The following MAF variants were observed in gnomAD, a reference collection of about 807,000 sequenced individuals.
MAF encodes the protein transcription factor Maf.
MAF carries 10 observed loss-of-function variants against 22.0 expected under a neutral mutation model. That is an observed-to-expected ratio of 0.45 (90% CI 0.28 to 0.77). The LOEUF is 0.77. Among genes scored for constraint, MAF ranks in the 30% least tolerant of loss-of-function variants. The probability of loss-of-function intolerance (pLI) is 0.12; values close to 1 mark genes in which losing one functional copy is unlikely to be tolerated. For missense variants in MAF, 544 were observed against 548.4 expected, an observed-to-expected ratio of 0.99 and a Z score of 0.08; for synonymous variants, 337 against 255.8, an observed-to-expected ratio of 1.32 and a Z score of -3.03.
chr16:79,276,096 G>T, the MAF span, among the ~76,000 whole-genome samples: 5 of 151,862 alleles, frequency 3.3e-5, no homozygotes, highest in African/African-American at 1.2e-4. Context: ...AGCCGAGATC[G>T]TGCCACTTCA....
At chr16:79,463,816 T>C in the MAF span, among the ~76,000 whole-genome samples, 4 of 152,104 alleles carry the variant, frequency 2.6e-5, no homozygotes, top group Admixed American at 1.3e-4. Context: ...TAGATCCCCC[T>C]GTGAACTGTG....
chr16:79,503,259 T>C, the MAF span, among the ~76,000 whole-genome samples: 25 of 152,332 alleles, frequency 1.6e-4, no homozygotes, highest in African/African-American at 4.8e-4. Context: ...CACGTTTTTA[T>C]TGAGTGTCTA....
chr16:79,599,500 C>T lies in MAF; in HGVS notation c.403G>A (p.Ala135Thr), dbSNP rs1567567893. Reference protein sequence around the residue: ...QGGFDGYARGAQQLAAAAGAG... With the variant: ...QGGFDGYARGTQQLAAAAGAG... The stretch of plus-strand genomic sequence containing the variant: ...CCGGCCGCCGCGGCCAGCTGCTGCG[C>T]CCCGCGCGCGTAGCCATCGAAGCCG... Residue 135 changes from alanine (A) to threonine (T), a missense_variant, in exon 1 of 2, where the codon GCG (alanine) becomes ACG (threonine). Physicochemically the swap from Ala to Thr is moderately conservative, Grantham distance 58. Coordinates refer to ENST00000326043, the MANE Select transcript of MAF (RefSeq NM_005360.5). 1.1e-5 allele frequency: 16 copies of T among 1,506,822 alleles called. No individual in the cohort carries two copies. The highest frequency in any genetic ancestry group is 1.3e-5 in the Non-Finnish European group (15 of 1,131,164). 93.3% of individuals were successfully genotyped at this position (1,506,822 alleles called of 1,614,324 possible). A position where few individuals can be genotyped will look rare whatever the true frequency, so the allele number is the denominator to read the frequency against.
chr16:79,573,756 A>G, the MAF span, among the ~76,000 whole-genome samples: 2 of 152,334 alleles, frequency 1.3e-5, no homozygotes, highest in Non-Finnish European at 2.9e-5. Context: ...AAGTAATAGC[A>G]CTAGTGCAGA....
the MAF span, among the ~76,000 whole-genome samples, chr16:79,486,412 T>A: frequency 2.6e-5 from 4 of 152,212 alleles, no homozygotes; most frequent in Non-Finnish European, 4.4e-5. Flanking sequence ...CTTAGGACAA[T>A]CTGAGAAAAT....
At chr16:79,268,629 T>C in the MAF span, among the ~76,000 whole-genome samples, 1 of 152,208 alleles carries the variant, frequency 6.6e-6, no homozygotes, top group Non-Finnish European at 1.5e-5. Flanking sequence ...ATGGCATTTC[T>C]CAGCTAAATG....
the MAF span, among the ~76,000 whole-genome samples, chr16:79,295,556 A>G: frequency 2.0e-5 from 3 of 152,384 alleles, no homozygotes; most frequent in East Asian, 3.9e-4. Context: ...TCCACTTGTT[A>G]TAGTTCATGA....
At chr16:79,310,946 G>T in the MAF span, among the ~76,000 whole-genome samples, 1 of 152,168 alleles carries the variant, frequency 6.6e-6, no homozygotes, top group African/African-American at 2.4e-5. Flanking sequence ...TGCTGCTTCA[G>T]CTAACTGCCT....
At chr16:79,503,129 C>A in the MAF span, among the ~76,000 whole-genome samples, 1 of 152,046 alleles carries the variant, frequency 6.6e-6, no homozygotes, top group Non-Finnish European at 1.5e-5. Context: ...GGGCTGGGCA[C>A]AAGTTCAGAA....
the MAF span, chr16:79,264,492 C>T: frequency 6.6e-6 from 1 of 152,214 alleles, no homozygotes; most frequent in Non-Finnish European, 1.5e-5. Context: ...CCTATCTCTT[C>T]TGATCTTGTG....
chr16:79,573,992 G>C, the MAF span, among the ~76,000 whole-genome samples: 1 of 152,192 alleles, frequency 6.6e-6, no homozygotes, highest in Non-Finnish European at 1.5e-5. Context: ...GGTATACCGT[G>C]CCGCATTCTG....
chr16:79,583,279 C>G (rs1015443505), downstream of MAF, among the ~76,000 whole-genome samples: 2 of 152,150 alleles, frequency 1.3e-5, no homozygotes, highest in Non-Finnish European at 2.9e-5. Context: ...GCCTTCCTTA[C>G]GTTTGACAAC....
the MAF span, among the ~76,000 whole-genome samples, chr16:79,517,523 T>G: frequency 2.7e-4 from 41 of 151,844 alleles, no homozygotes; most frequent in Admixed American, 2.6e-4. Flanking sequence ...CCCTCAAGTC[T>G]TGGAGCTCCT....
chr16:79,256,592 G>A, the MAF span, among the ~76,000 whole-genome samples: 1 of 152,076 alleles, frequency 6.6e-6, no homozygotes, highest in African/African-American at 2.4e-5. Flanking sequence ...CTGATAAGAC[G>A]TCCCCAGCAT....
the MAF span, among the ~76,000 whole-genome samples, chr16:79,326,683 G>A: frequency 6.6e-6 from 1 of 152,212 alleles, no homozygotes; most frequent in Non-Finnish European, 1.5e-5. Flanking sequence ...CAGCAGGAAA[G>A]CAGCCACAGG....
At chr16:79,332,484 G>C in the MAF span, among the ~76,000 whole-genome samples, 2 of 152,134 alleles carry the variant, frequency 1.3e-5, no homozygotes, top group African/African-American at 4.8e-5. Flanking sequence ...CATTTTTGTA[G>C]AGATAGAGTT....
chr16:79,394,570 C>G, the MAF span, among the ~76,000 whole-genome samples: 1 of 152,220 alleles, frequency 6.6e-6, no homozygotes, highest in African/African-American at 2.4e-5. Flanking sequence ...CATGACCTCT[C>G]TGAGGTTCAG....
chr16:79,243,575 T>C, the MAF span, among the ~76,000 whole-genome samples: 7 of 151,984 alleles, frequency 4.6e-5, 1 homozygote, highest in African/African-American at 1.7e-4. Context: ...CAGTAATTAA[T>C]AGCCTACCAA....
chr16:79,381,042 T>A, the MAF span, among the ~76,000 whole-genome samples: 8 of 152,274 alleles, frequency 5.3e-5, no homozygotes, highest in African/African-American at 1.9e-4. Flanking sequence ...AAGGGCAGGC[T>A]GGCAGGGCCA....
Sources: gnomAD v4.1 joint callset for allele counts (sites outside exome capture counted in the v4.1 genomes callset) on GRCh38, gnomAD v4.1.1 for gene constraint, MANE v1.5 for transcripts, NCBI Gene and HGNC (gene_info 2026-07-23, HGNC 2026-07-21) for gene names.